The following WDR7 variants were observed in gnomAD, a reference collection of about 807,000 sequenced individuals.
WDR7 encodes WD repeat domain 7, also known as WD repeat-containing protein 7.
WDR7 carries 46 observed loss-of-function variants against 169.4 expected under a neutral mutation model. The observed-to-expected ratio is 0.27, with a 90% CI of 0.21 to 0.35. The LOEUF (loss-of-function observed/expected upper bound fraction) is 0.35, where lower values mean the gene tolerates loss of function less well. WDR7 is among the 10% of genes least tolerant of loss of function. WDR7 has a pLI of 1.00. For missense variants in WDR7, 1,534 were observed against 1,859.3 expected, an observed-to-expected ratio of 0.83 and a Z score of 3.22; for synonymous variants, 612 against 666.8, an observed-to-expected ratio of 0.92 and a Z score of 1.27.
At chr18:56,946,798 A>G (rs1409226770) in intron 25 of WDR7, among the ~76,000 whole-genome samples, 1 of 152,226 alleles carries the variant, frequency 6.6e-6, no homozygotes, top group East Asian at 1.9e-4. Context: ...ATTATCAGCT[A>G]TGATTATTTT....
intron 25 of WDR7, among the ~76,000 whole-genome samples, chr18:56,956,460 A>G (rs1454324023): frequency 6.6e-6 from 1 of 152,120 alleles, no homozygotes; most frequent in African/African-American, 2.4e-5. Context: ...AGGGCTGTTG[A>G]CCAATTCTCT....
At chr18:56,748,919 G>A (rs986543412) in intron 14 of WDR7, among the ~76,000 whole-genome samples, 3 of 151,820 alleles carry the variant, frequency 2.0e-5, no homozygotes, top group Non-Finnish European at 4.4e-5. Context: ...TAATTTTTAT[G>A]CCTCCCTTTT....
chr18:56,923,951 C>G lies in WDR7; in HGVS notation c.3556C>G (p.Pro1186Ala), dbSNP rs1199474855. The change falls in exon 22 of 28, where the codon CCT becomes GCT. Residue 1186 changes from proline (P) to alanine (A), a missense_variant. Pro to Ala is a conservative substitution (Grantham distance 27). Transcript: ENST00000254442. Reference sequence around the variant, plus strand: ...GGCACTGACGTTTCTTCTGCTACAGCCTCCAAGCCCCAAACTTCCTCCACA... The same window carrying G: ...GGCACTGACGTTTCTTCTGCTACAGGCTCCAAGCCCCAAACTTCCTCCACA... ...CKALTFLLLQ[P>A]PSPKLPPHST... The G allele has an allele frequency of 6.4e-7, 1 of 1,573,030 alleles. No individual in the cohort carries two copies. The highest frequency in any genetic ancestry group is 1.4e-5 in the African/African-American group (1 of 72,710).
intron 19 of WDR7, among the ~76,000 whole-genome samples, chr18:56,800,682 C>A (rs1218309273): frequency 6.6e-6 from 1 of 152,188 alleles, no homozygotes; most frequent in Non-Finnish European, 1.5e-5. Flanking sequence ...TTTTATAATG[C>A]CGGTTCATTG....
intron 14 of WDR7, among the ~76,000 whole-genome samples, chr18:56,750,751 G>A (rs550707901): frequency 2.4e-4 from 36 of 152,160 alleles, no homozygotes; most frequent in Non-Finnish European, 4.0e-4. Flanking sequence ...TTATGAGTTT[G>A]ATAGATGTTT....
intron 22 of WDR7, among the ~76,000 whole-genome samples, chr18:56,926,887 G>C (rs2046816014): frequency 1.3e-5 from 2 of 152,316 alleles, no homozygotes; most frequent in East Asian, 1.9e-4. Context: ...GTGGGAAGTG[G>C]AGCAGCAATG....
At chr18:56,887,574 CCTTT>C (rs2046213966) in intron 21 of WDR7, among the ~76,000 whole-genome samples, 1 of 142,326 alleles carries the variant, frequency 7.0e-6, no homozygotes, top group South Asian at 2.1e-4. Flanking sequence ...TATTTTTTTT[CCTTT>C]CTTGTTCTTA....
intron 20 of WDR7, chr18:56,872,852 T>A (rs2045972139): frequency 6.6e-6 from 1 of 152,214 alleles, no homozygotes; most frequent in South Asian, 2.1e-4. Context: ...TAGAAAGGTT[T>A]ACTTTTACAG....
chr18:56,806,932 C>T (rs1339744902), intron 19 of WDR7, among the ~76,000 whole-genome samples: 1 of 152,146 alleles, frequency 6.6e-6, no homozygotes, highest in African/African-American at 2.4e-5. Flanking sequence ...ATGCCAGCCT[C>T]TCTGTTACTC....
At chr18:56,777,642 A>G (rs1054710813) in intron 17 of WDR7, among the ~76,000 whole-genome samples, 3 of 152,180 alleles carry the variant, frequency 2.0e-5, no homozygotes, top group African/African-American at 7.2e-5. Context: ...TTTGCATAAC[A>G]TAAAAAGGAA....
intron 26 of WDR7, among the ~76,000 whole-genome samples, chr18:57,018,992 G>A (rs2048246989): frequency 6.6e-6 from 1 of 152,156 alleles, no homozygotes; most frequent in African/African-American, 2.4e-5. Flanking sequence ...TGCAGCAAGT[G>A]CACTCCATTT....
intron 19 of WDR7, among the ~76,000 whole-genome samples, chr18:56,790,784 T>G (rs2044471817): frequency 6.6e-6 from 1 of 152,176 alleles, no homozygotes; most frequent in Admixed American, 6.5e-5. Flanking sequence ...TTAATATTTA[T>G]AAATGGTTTC....
At chr18:57,030,133 G>A (rs2048429139), downstream of WDR7, 1 of 152,212 alleles carries the variant, frequency 6.6e-6, no homozygotes, top group Non-Finnish European at 1.5e-5. Context: ...GAGCTAGGCT[G>A]AGATCATCAA....
At chr18:57,011,982 A>G (rs2048143238) in intron 26 of WDR7, among the ~76,000 whole-genome samples, 1 of 152,202 alleles carries the variant, frequency 6.6e-6, no homozygotes, top group Non-Finnish European at 1.5e-5. Context: ...TTGGGGGTAC[A>G]GACAAGCTGA....
chr18:57,035,989 A>G, the WDR7 span: 1 of 152,226 alleles, frequency 6.6e-6, no homozygotes. Flanking sequence ...CCCCTTGTGG[A>G]TGAGACTCTG....
intron 19 of WDR7, among the ~76,000 whole-genome samples, chr18:56,810,509 A>G (rs547672221): frequency 2.8e-4 from 42 of 152,304 alleles, no homozygotes; most frequent in African/African-American, 9.4e-4. Flanking sequence ...AGAAATTTTG[A>G]CTGAGGATTA....
At chr18:56,961,332 T>C (rs1339075369) in intron 25 of WDR7, among the ~76,000 whole-genome samples, 1 of 152,056 alleles carries the variant, frequency 6.6e-6, no homozygotes, top group African/African-American at 2.4e-5. Flanking sequence ...TTCTGTCATG[T>C]TTTGCCTCTT....
chr18:56,686,883 C>A lies in WDR7; in HGVS notation c.626C>A (p.Ser209Tyr). 6.2e-7 allele frequency: 1 copy of A among 1,608,138 alleles called. No individual in the cohort carries two copies. Among genetic ancestry groups the A allele is most frequent in the African/African-American group, 1.3e-5 (1 of 74,950 alleles). The change falls in exon 7 of 28, where the codon TCC becomes TAC. Residue 209 changes from serine (S) to tyrosine (Y), a missense_variant. Ser to Tyr is a moderately radical substitution (Grantham distance 144). Coordinates refer to ENST00000254442, the MANE Select transcript of WDR7 (RefSeq NM_015285.3). ...QDTEPIFEEE[S>Y]KPIYCQNCQS... Reference sequence around the variant, plus strand: ...ACTGAGCCAATATTTGAGGAGGAATCCAAACCAATTTATTGTCAGAATTGC... The same window carrying A: ...ACTGAGCCAATATTTGAGGAGGAATACAAACCAATTTATTGTCAGAATTGC...
At chr18:56,844,394 AT>A (rs1421794763) in intron 20 of WDR7, among the ~76,000 whole-genome samples, 5 of 152,118 alleles carry the variant, frequency 3.3e-5, no homozygotes, top group Non-Finnish European at 7.4e-5. Context: ...TTGGTATACA[AT>A]TTCTCAACTT....
Sources: gnomAD v4.1 joint callset for allele counts (sites outside exome capture counted in the v4.1 genomes callset) on GRCh38, gnomAD v4.1.1 for gene constraint, MANE v1.5 for transcripts, NCBI Gene and HGNC (gene_info 2026-07-23, HGNC 2026-07-21) for gene names.